Variants in PDZD2 observed in about 807,000 individuals in gnomAD.
The protein encoded by PDZD2 is PDZ domain-containing protein 2.
PDZD2 carries 90 observed loss-of-function variants against 220.7 expected under a neutral mutation model. The ratio of observed to expected loss-of-function variants is 0.41; its 90% CI spans 0.34 to 0.49. The LOEUF (loss-of-function observed/expected upper bound fraction) is 0.49. Among genes scored for constraint, PDZD2 ranks in the 20% least tolerant of loss-of-function variants. The probability of loss-of-function intolerance (pLI) is 0.28; values close to 1 mark genes in which losing one functional copy is unlikely to be tolerated. For missense variants in PDZD2, 3,174 were observed against 3,608.5 expected, an observed-to-expected ratio of 0.88 and a Z score of 3.08; for synonymous variants, 1,375 against 1,450.5, an observed-to-expected ratio of 0.95 and a Z score of 1.18.
At chr5:31,942,500 C>T (rs1746291583) in intron 2 of PDZD2, among the ~76,000 whole-genome samples, 1 of 152,102 alleles carries the variant, frequency 6.6e-6, no homozygotes, top group Admixed American at 6.5e-5. Context: ...TACAAAGTTT[C>T]ACTCTATTGC....
chr5:32,002,875 CACACA>C (rs1752333602), intron 5 of PDZD2, among the ~76,000 whole-genome samples: 6 of 123,162 alleles, frequency 4.9e-5, no homozygotes, highest in African/African-American at 1.6e-4. Flanking sequence ...CCACATACCA[CACACA>C]CACCACACAC....
chr5:31,847,431 G>A (rs149466161), intron 2 of PDZD2: 95 of 532,192 alleles, frequency 1.8e-4, no homozygotes, highest in African/African-American at 1.2e-3. Flanking sequence ...ATGAGAGTTC[G>A]CGTAACAGAG....
chr5:31,678,680 A>G (rs549481143), intron 1 of PDZD2, among the ~76,000 whole-genome samples: 1 of 152,204 alleles, frequency 6.6e-6, no homozygotes, highest in East Asian at 1.9e-4. Context: ...CAGTGGCACA[A>G]TCTCGGCTCA....
intron 1 of PDZD2, among the ~76,000 whole-genome samples, chr5:31,702,766 C>A (rs988234202): frequency 5.3e-5 from 8 of 152,226 alleles, no homozygotes; most frequent in Non-Finnish European, 1.2e-4. Flanking sequence ...GACTCAGAGT[C>A]GAATGAGTGT....
At chr5:32,050,963 C>T (rs889313536) in intron 8 of PDZD2, among the ~76,000 whole-genome samples, 5 of 152,198 alleles carry the variant, frequency 3.3e-5, no homozygotes, top group African/African-American at 1.2e-4. Flanking sequence ...TGAAAAGTGG[C>T]TAGTGGGGGG....
intron 2 of PDZD2, among the ~76,000 whole-genome samples, chr5:31,831,574 C>A (rs531111533): frequency 6.6e-6 from 1 of 152,232 alleles, no homozygotes; most frequent in South Asian, 2.1e-4. Flanking sequence ...TGGTGAAACC[C>A]CGTCTCTACT....
intron 1 of PDZD2, among the ~76,000 whole-genome samples, chr5:31,757,320 G>A (rs1183995738): frequency 2.0e-5 from 3 of 152,070 alleles, no homozygotes; most frequent in Non-Finnish European, 4.4e-5. Flanking sequence ...GGCCAGGCAC[G>A]GTGGCTCACG....
intron 2 of PDZD2, chr5:31,855,224 G>A: frequency 1.2e-5 from 7 of 598,924 alleles, no homozygotes; most frequent in Non-Finnish European, 1.5e-5. Flanking sequence ...GATCCAGGTC[G>A]GGTGCAGACT....
At chr5:31,922,448 TTTTTGTTTTTG>T (rs1744356138) in intron 2 of PDZD2, among the ~76,000 whole-genome samples, 1 of 152,260 alleles carries the variant, frequency 6.6e-6, no homozygotes, top group South Asian at 2.1e-4. Context: ...AAGGGTCTGT[TTTTTGTTTTTG>T]TTTTGTTTTT....
chr5:31,880,445 G>A (rs1020854634), intron 2 of PDZD2, among the ~76,000 whole-genome samples: 4 of 152,194 alleles, frequency 2.6e-5, no homozygotes, highest in African/African-American at 9.7e-5. Context: ...ATAGTCCTCT[G>A]TATGAATGGA....
At position 32,108,079 on chromosome 5, in the gene PDZD2, T is replaced by G. The variant is rs148532122; in HGVS notation, c.8464T>G (p.Ser2822Ala). 3.8e-5 allele frequency: 61 copies of G among 1,611,694 alleles called. No homozygotes were observed. The African/African-American group carries it at 7.5e-4, about 20-fold the overall frequency. ...MHFDAWNIMK[S>A]VPEGPVQLLI... is the part of the protein sequence containing the mutation. ...CTTTGATGCCTGGAATATTATGAAG[T>G]CTGTCCCAGAAGGACCTGTGCAGTT... Residue 2822 changes from serine to alanine, a missense_variant, in exon 25 of 25, where the codon TCT (serine) becomes GCT (alanine). Transcript: ENST00000438447.
intron 1 of PDZD2, among the ~76,000 whole-genome samples, chr5:31,793,403 G>T (rs569378749): frequency 1.3e-5 from 2 of 152,296 alleles, no homozygotes; most frequent in East Asian, 3.9e-4. Flanking sequence ...TGCACCTGCA[G>T]TTCCCTCTGC....
chr5:32,042,328 G>A (rs1215260350), intron 7 of PDZD2, among the ~76,000 whole-genome samples: 6 of 151,350 alleles, frequency 4.0e-5, no homozygotes, highest in Non-Finnish European at 7.4e-5. Flanking sequence ...TTGGGAGGCC[G>A]AGGCGGGTGG....
chr5:31,829,259 G>C (rs1473928098), intron 2 of PDZD2, among the ~76,000 whole-genome samples: 1 of 151,912 alleles, frequency 6.6e-6, no homozygotes, highest in Non-Finnish European at 1.5e-5. Context: ...ATTCCAGAAG[G>C]GCTTTTTCCA....
intron 6 of PDZD2, among the ~76,000 whole-genome samples, chr5:32,033,690 G>C (rs1345305327): frequency 1.3e-5 from 2 of 151,734 alleles, no homozygotes; most frequent in Non-Finnish European, 2.9e-5. Context: ...CGCGATCTCG[G>C]CTCACTGCAA....
intron 1 of PDZD2, among the ~76,000 whole-genome samples, chr5:31,715,122 T>C (rs1205011406): frequency 6.6e-6 from 1 of 151,628 alleles, no homozygotes; most frequent in Non-Finnish European, 1.5e-5. Flanking sequence ...GGTCCATGGG[T>C]TGATAGGGCA....
At chr5:32,016,378 G>T (rs1317465660) in intron 6 of PDZD2, among the ~76,000 whole-genome samples, 1 of 152,150 alleles carries the variant, frequency 6.6e-6, no homozygotes, top group Non-Finnish European at 1.5e-5. Context: ...CTTGTTTCGG[G>T]GTTGACCTGG....
Position 32,089,404 on chromosome 5 carries a change from CT to C in PDZD2, c.5957del (p.Leu1986ArgfsTer51). 1 of 1,614,054 alleles carries C rather than the reference CT, an allele frequency of 6.2e-7. No individual in the cohort carries two copies. The highest frequency in any genetic ancestry group is 8.5e-7 in the Non-Finnish European group (1 of 1,180,040). Reference sequence around the variant, plus strand: ...GAGCATCAGGACATTTGTCTCGCCCCTGACCTCTCCCAAGCCTGTTCCTGAG... The same window carrying C: ...GAGCATCAGGACATTTGTCTCGCCCCGACCTCTCCCAAGCCTGTTCCTGAG... ...DTSIRTFVSP[L>X]TSPKPVPEQG... On this transcript the variant is annotated frameshift_variant, in exon 20 of 25. Coordinates refer to ENST00000438447, the MANE Select transcript of PDZD2 (RefSeq NM_178140.4). LOFTEE classifies it high-confidence loss of function.
intron 1 of PDZD2, among the ~76,000 whole-genome samples, chr5:31,684,299 G>C (rs1029334400): frequency 5.3e-5 from 8 of 152,130 alleles, no homozygotes; most frequent in Admixed American, 1.3e-4. Context: ...TTTCTTGATT[G>C]ATGGTGCCAT....
Sources: allele counts gnomAD v4.1 joint callset (sites outside exome capture counted in the v4.1 genomes callset), GRCh38; gene constraint gnomAD v4.1.1; transcripts MANE v1.5; gene names NCBI Gene and HGNC (gene_info 2026-07-23, HGNC 2026-07-21).